The following CTNNA2 variants were observed in gnomAD, a reference collection of about 807,000 sequenced individuals.
CTNNA2 encodes the protein catenin alpha-2.
A neutral mutation model predicts 101.0 loss-of-function variants in CTNNA2; 42 were observed. The observed-to-expected ratio is 0.42, with a 90% CI of 0.32 to 0.54. The LOEUF (loss-of-function observed/expected upper bound fraction) is 0.54, where lower values mean the gene tolerates loss of function less well. Among genes scored for constraint, CTNNA2 ranks in the 20% least tolerant of loss-of-function variants. CTNNA2 has a pLI of 0.14. For missense variants in CTNNA2, 871 were observed against 1,223.1 expected (o/e 0.71, Z 4.29); for synonymous variants, 450 against 456.4 (o/e 0.99, Z 0.18).
chr2:80,141,231 AC>A (rs1381115424), intron 7 of CTNNA2, among the ~76,000 whole-genome samples: 1 of 151,912 alleles, frequency 6.6e-6, no homozygotes, highest in Non-Finnish European at 1.5e-5. Context: ...TGACATCCTC[AC>A]CAAGAAAGAA....
At chr2:80,014,902 C>T (rs1694035316) in intron 7 of CTNNA2, among the ~76,000 whole-genome samples, 1 of 152,138 alleles carries the variant, frequency 6.6e-6, no homozygotes, top group Admixed American at 6.6e-5. Flanking sequence ...CTTTAATCAC[C>T]TCAAGATGGG....
intron 18 of CTNNA2, among the ~76,000 whole-genome samples, chr2:80,634,578 T>C (rs553842540): frequency 4.9e-4 from 75 of 151,888 alleles, no homozygotes; most frequent in African/African-American, 1.5e-3. Flanking sequence ...CCACTCAAGG[T>C]TGTTGATAAG....
chr2:79,642,292 CT>C (rs1209690954), intron 1 of CTNNA2, among the ~76,000 whole-genome samples: 1 of 152,180 alleles, frequency 6.6e-6, no homozygotes, highest in Non-Finnish European at 1.5e-5. Context: ...GAGGAAAGTA[CT>C]TAACTACACT....
intron 1 of CTNNA2, among the ~76,000 whole-genome samples, chr2:79,650,522 T>C (rs567286438): frequency 2.6e-5 from 4 of 152,102 alleles, no homozygotes; most frequent in African/African-American, 9.6e-5. Flanking sequence ...CTAGTAATCA[T>C]TGGTGGATTT....
intron 6 of CTNNA2, among the ~76,000 whole-genome samples, chr2:79,894,055 TC>T (rs1468223764): frequency 9.7e-6 from 1 of 102,730 alleles, no homozygotes; most frequent in Non-Finnish European, 2.1e-5. Context: ...TTCTTCTTCT[TC>T]TTCTTCTTCC....
intron 7 of CTNNA2, among the ~76,000 whole-genome samples, chr2:80,073,994 G>T (rs1360208701): frequency 6.6e-6 from 1 of 152,082 alleles, no homozygotes; most frequent in Non-Finnish European, 1.5e-5. Context: ...TGTAGTGATG[G>T]AGTCTGGGGC....
At chr2:79,909,093 C>A (rs1685613114) in intron 6 of CTNNA2, among the ~76,000 whole-genome samples, 1 of 152,142 alleles carries the variant, frequency 6.6e-6, no homozygotes, top group Non-Finnish European at 1.5e-5. Context: ...CTGAATATGC[C>A]TGTTGGGTGT....
At chr2:80,403,489 T>G (rs1678767883) in intron 8 of CTNNA2, among the ~76,000 whole-genome samples, 1 of 152,232 alleles carries the variant, frequency 6.6e-6, no homozygotes, top group Non-Finnish European at 1.5e-5. Context: ...TTTATCACAG[T>G]GACATGGGCT....
intron 7 of CTNNA2, among the ~76,000 whole-genome samples, chr2:80,337,212 G>C (rs538818352): frequency 6.6e-6 from 1 of 151,948 alleles, no homozygotes; most frequent in African/African-American, 2.4e-5. Context: ...AACATTAGCC[G>C]GGTGTGGTGG....
intron 7 of CTNNA2, among the ~76,000 whole-genome samples, chr2:80,153,027 G>A (rs1306697243): frequency 1.3e-5 from 2 of 152,150 alleles, no homozygotes; most frequent in African/African-American, 4.8e-5. Flanking sequence ...ACAACTACAT[G>A]GATCTTTGAC....
At chr2:79,860,705 A>T (rs746835861) in intron 4 of CTNNA2, among the ~76,000 whole-genome samples, 29 of 152,140 alleles carry the variant, frequency 1.9e-4, no homozygotes, top group Non-Finnish European at 3.5e-4. Context: ...TGTAGCAAAC[A>T]GCTGTGGTGG....
At chr2:80,553,260 C>A (rs1267070872) in intron 11 of CTNNA2, among the ~76,000 whole-genome samples, 1 of 151,614 alleles carries the variant, frequency 6.6e-6, no homozygotes, top group Non-Finnish European at 1.5e-5. Flanking sequence ...TAAAATTAGT[C>A]AATTAGTAAA....
chr2:80,384,050 C>A (rs1676767859), intron 7 of CTNNA2, among the ~76,000 whole-genome samples: 1 of 152,142 alleles, frequency 6.6e-6, no homozygotes, highest in East Asian at 1.9e-4. Context: ...TTATCCTTAA[C>A]AAACTAATAC....
At chr2:80,477,950 G>C (rs1685856846) in intron 9 of CTNNA2, among the ~76,000 whole-genome samples, 1 of 151,982 alleles carries the variant, frequency 6.6e-6, no homozygotes, top group South Asian at 2.1e-4. Context: ...TCTACTTTTA[G>C]GTCTTTGAGA....
chr2:80,229,091 C>A (rs1387083345), intron 7 of CTNNA2, among the ~76,000 whole-genome samples: 9 of 152,142 alleles, frequency 5.9e-5, no homozygotes, highest in Admixed American at 5.2e-4. Flanking sequence ...GTCACAATTA[C>A]CTGAGGAATC....
At chr2:79,757,830 G>T (rs1008800522) in intron 3 of CTNNA2, among the ~76,000 whole-genome samples, 8 of 152,282 alleles carry the variant, frequency 5.3e-5, no homozygotes, top group Middle Eastern at 3.4e-3. Context: ...GTTCATTGGG[G>T]CTCATCTTAC....
chr2:80,159,632 C>T (rs915498631), intron 7 of CTNNA2, among the ~76,000 whole-genome samples: 2 of 151,972 alleles, frequency 1.3e-5, no homozygotes, highest in African/African-American at 4.8e-5. Flanking sequence ...CATGCACCAC[C>T]AGAGCTAATT....
At chr2:79,396,381 A>T (rs1678230959) in intron 4 of CTNNA2, among the ~76,000 whole-genome samples, 1 of 151,570 alleles carries the variant, frequency 6.6e-6, no homozygotes, top group Non-Finnish European at 1.5e-5. Context: ...CTGGTCTCGA[A>T]CTCCTGACCT....
intron 7 of CTNNA2, among the ~76,000 whole-genome samples, chr2:80,334,264 A>T (rs1482193760): frequency 1.3e-5 from 2 of 152,100 alleles, no homozygotes; most frequent in African/African-American, 2.4e-5. Flanking sequence ...ACATATAATC[A>T]TGCTACTTCT....
Sources: allele counts gnomAD v4.1 joint callset (sites outside exome capture counted in the v4.1 genomes callset), GRCh38; gene constraint gnomAD v4.1.1; transcripts MANE v1.5; gene names NCBI Gene and HGNC (gene_info 2026-07-23, HGNC 2026-07-21).